The following KNTC1 variants were observed in gnomAD, a reference collection of about 807,000 sequenced individuals.
The protein encoded by KNTC1 is kinetochore-associated protein 1.
KNTC1 carries 253 observed loss-of-function variants against 314.4 expected under a neutral mutation model. That is an observed-to-expected ratio of 0.80 (90% CI 0.73 to 0.89). The LOEUF (loss-of-function observed/expected upper bound fraction) is 0.89, where lower values mean the gene tolerates loss of function less well. KNTC1 is among the 40% of genes least tolerant of loss of function. The pLI is 0.00. For missense variants in KNTC1, 2,475 were observed against 2,572.9 expected, an observed-to-expected ratio of 0.96 and a Z score of 0.82; for synonymous variants, 901 against 901.4, an observed-to-expected ratio of 1.00 and a Z score of 0.01.
In KNTC1 at chr12:122,544,195, G is replaced by A. The variant is rs1456198403; in HGVS notation, c.595G>A (p.Glu199Lys). 1.3e-6 allele frequency: 2 copies of A among 1,580,700 alleles called. No individual in the cohort carries two copies. Among genetic ancestry groups the A allele is most frequent in the Non-Finnish European group, 1.7e-6 (2 of 1,168,664 alleles). ...AATCAAGTCCAGTTTTATTTCTACT[G>A]AAAATTATCATACTCTTGGTTGTCT... is the stretch of plus-strand genomic sequence containing the variant. ...GQIKSSFISTENYHTLGCLSL... is the reference protein window; with the variant it reads ...GQIKSSFISTKNYHTLGCLSL... Residue 199 changes from glutamate (E) to lysine (K), a missense_variant, in exon 8 of 64, where the codon GAA becomes AAA. Physicochemically the swap from Glu to Lys is moderately conservative, Grantham distance 56. Transcript: ENST00000333479.
In KNTC1 at chr12:122,554,076, A is replaced by AAATATATATATAT. The variant is rs370146333; in HGVS notation, c.1272+2381_1272+2382insATATATATATATA. 7.2e-4 allele frequency among the ~76,000 whole-genome samples: 79 copies of AAATATATATATAT among 109,050 alleles called. 1 individual carries two copies. Among genetic ancestry groups the AAATATATATATAT allele is most frequent in the African/African-American group, 3.9e-4 (10 of 25,712 alleles). The allele number at this position is 109,050 out of a possible 152,430, so 71.5% of individuals were successfully genotyped here. A position where few individuals can be genotyped will look rare whatever the true frequency, so the allele number is the denominator to read the frequency against. On this transcript the variant is annotated intron_variant, in intron 16 of 63. Transcript: ENST00000333479. Reference sequence around the variant, plus strand: ...CAGAATACTTCCTTAAAAAAAAAAAAATATATATATATATATATATATATT... The same window carrying AAATATATATATAT: ...CAGAATACTTCCTTAAAAAAAAAAAAAATATATATATATATATATATATATATATATATATATT...
chr12:122,588,784 A>T lies in KNTC1; in HGVS notation c.3967A>T (p.Ile1323Phe). 1 of 1,564,858 alleles carries T rather than the reference A, an allele frequency of 6.4e-7. No individual in the cohort carries two copies. The highest frequency in any genetic ancestry group is 8.7e-7 in the Non-Finnish European group (1 of 1,154,404). Residue 1323 changes from isoleucine to phenylalanine, a missense_variant, in exon 40 of 64, where the codon ATC becomes TTC. Physicochemically the swap from Ile to Phe is conservative, Grantham distance 21. Transcript: ENST00000333479. Reference sequence around the variant, plus strand: ...ATTGAAAGAAAAAGCTGTTATATTTATCAGGGAAAATGCTACAACACTACT... The same window carrying T: ...ATTGAAAGAAAAAGCTGTTATATTTTTCAGGGAAAATGCTACAACACTACT... ...MELKEKAVIF[I>F]RENATTLLHK...
At chr12:122,610,283 C>T (rs1302187291) in intron 52 of KNTC1, among the ~76,000 whole-genome samples, 1 of 152,096 alleles carries the variant, frequency 6.6e-6, no homozygotes, top group Non-Finnish European at 1.5e-5. Flanking sequence ...TGGAGGGAAG[C>T]GATTTAAAGA....
chr12:122,602,578 ATTC>A lies in KNTC1; in HGVS notation c.4665_4667del (p.Ile1555_Leu1556delinsMet). 1 of 1,604,700 alleles carries A rather than the reference ATTC, an allele frequency of 6.2e-7. No homozygotes were observed. Among genetic ancestry groups the A allele is most frequent in the Non-Finnish European group, 8.5e-7 (1 of 1,173,042 alleles). On this transcript the variant is annotated inframe_deletion, in exon 46 of 64. Transcript: ENST00000333479. ...TTTTATTTTAATATAGGCATTGAGT[ATTC>A]TGAAACATTTGAAGTCATACAGAAG...
intron 57 of KNTC1, among the ~76,000 whole-genome samples, chr12:122,617,938 T>C (rs1873944372): frequency 6.6e-6 from 1 of 152,240 alleles, no homozygotes; most frequent in African/African-American, 2.4e-5. Context: ...TTCTGCTATA[T>C]TCATAAAATT....
Position 122,621,877 on chromosome 12 carries a change from C to G in KNTC1, c.6280-4C>G, listed in dbSNP as rs1593699096. ...CTATTAATTCTGCTTTGATTTTTCT[C>G]TAGAATTTTCTGGGTTCCTGTGACC... is the stretch of plus-strand genomic sequence containing the variant. On this transcript the variant is annotated splice_polypyrimidine_tract_variant and splice_region_variant and intron_variant, in intron 60 of 63. Coordinates refer to ENST00000333479, the MANE Select transcript of KNTC1 (RefSeq NM_014708.6). The G allele has an allele frequency of 6.4e-7, 1 of 1,567,156 alleles. No individual in the cohort carries two copies. Among genetic ancestry groups the G allele is most frequent in the Non-Finnish European group, 8.7e-7 (1 of 1,148,670 alleles).
chr12:122,613,817 A>C, intron 55 of KNTC1, 56 bp downstream of exon 55: 2 of 1,499,488 alleles, frequency 1.3e-6, no homozygotes, highest in Non-Finnish European at 1.8e-6. Flanking sequence ...AGAATCCTGA[A>C]AGAGAAAACC....
At chr12:122,545,525 AT>A (rs201317561) in intron 8 of KNTC1, among the ~76,000 whole-genome samples, 3 of 152,084 alleles carry the variant, frequency 2.0e-5, no homozygotes, top group Admixed American at 6.6e-5. Context: ...ATATTTATAA[AT>A]TTTTTTTCCA....
chr12:122,598,777 C>T (rs922450521), intron 44 of KNTC1, among the ~76,000 whole-genome samples: 2 of 151,448 alleles, frequency 1.3e-5, no homozygotes, highest in African/African-American at 2.4e-5. Flanking sequence ...TAAAACATGC[C>T]GTATTTAACC....
intron 50 of KNTC1, 54 bp from the exon 51 acceptor site, chr12:122,605,252 C>A: frequency 8.3e-7 from 1 of 1,199,508 alleles, no homozygotes; most frequent in South Asian, 1.4e-5. Context: ...TATAAGTATT[C>A]AATATAAATA....
At chr12:122,549,276 C>A (rs796670530) in intron 12 of KNTC1, among the ~76,000 whole-genome samples, 1 of 152,102 alleles carries the variant, frequency 6.6e-6, no homozygotes, top group Admixed American at 6.6e-5. Context: ...AGGCTGGTCT[C>A]CAACTCCTGA....
At chr12:122,621,814 CAACGGCTCTTG>C in intron 60 of KNTC1, 56 bp from the exon 61 acceptor site, 1 of 1,023,372 alleles carries the variant, frequency 9.8e-7, no homozygotes, top group South Asian at 1.4e-5. Flanking sequence ...AATACCTGAT[CAACGGCTCTTG>C]CTGTTGGAAT....
intron 39 of KNTC1, 59 bp downstream of exon 39, chr12:122,587,933 C>A: frequency 6.9e-7 from 1 of 1,443,314 alleles, no homozygotes; most frequent in Non-Finnish European, 9.4e-7. Flanking sequence ...AAAGCGCTAA[C>A]AGAGGAATTT....
intron 8 of KNTC1, among the ~76,000 whole-genome samples, chr12:122,545,057 G>A (rs1262130315): frequency 6.6e-6 from 1 of 152,128 alleles, no homozygotes; most frequent in East Asian, 1.9e-4. Flanking sequence ...ATACATTGCT[G>A]TATAATGTCT....
At chr12:122,601,411 A>ATTAATT in intron 44 of KNTC1, 125 bp from the exon 45 acceptor site, 1 of 880,458 alleles carries the variant, frequency 1.1e-6, no homozygotes, top group Non-Finnish European at 1.6e-6. Flanking sequence ...TAAGGGAGTA[A>ATTAATT]TTAATTTAAC....
intron 43 of KNTC1, among the ~76,000 whole-genome samples, chr12:122,596,105 C>T (rs541641215): frequency 9.0e-5 from 10 of 111,706 alleles, no homozygotes; most frequent in Admixed American, 1.1e-4. Flanking sequence ...TTTTTTGAGA[C>T]GGAGTCTCGC....
At chr12:122,550,135 T>C (rs1174745601) in intron 13 of KNTC1, among the ~76,000 whole-genome samples, 2 of 140,544 alleles carry the variant, frequency 1.4e-5, no homozygotes, top group African/African-American at 5.6e-5. Flanking sequence ...ACAGGAAGTA[T>C]AGATGATAAT....
chr12:122,568,928 CTTATT>C (rs1444092133), intron 21 of KNTC1, among the ~76,000 whole-genome samples: 1 of 152,058 alleles, frequency 6.6e-6, no homozygotes, highest in African/African-American at 2.4e-5. Context: ...ACAGTAGAAC[CTTATT>C]TTATCCAATC....
In KNTC1 at chr12:122,604,939, G is replaced by T; in HGVS notation, c.5238G>T (p.Ser1746=). ...AGCTTCATATCCAGTACCGGCGATC[G>T]GGCACAGAAGCTGTGCTCATAGCCC... ...LKKLHIQYRR[S]GTEAVLIAHK... is the part of the protein sequence containing the mutation. Residue 1746 remains serine (S), a synonymous_variant, in exon 50 of 64, where the codon TCG becomes TCT. Coordinates refer to ENST00000333479, the MANE Select transcript of KNTC1 (RefSeq NM_014708.6). 6.2e-7 allele frequency: 1 copy of T among 1,611,044 alleles called. No individual in the cohort carries two copies.
Sources: allele counts gnomAD v4.1 joint callset (sites outside exome capture counted in the v4.1 genomes callset), GRCh38; gene constraint gnomAD v4.1.1; transcripts MANE v1.5; gene names NCBI Gene and HGNC (gene_info 2026-07-23, HGNC 2026-07-21).